The following SMIM36 variants were observed in gnomAD, a reference collection of about 807,000 sequenced individuals.
SMIM36 encodes small integral membrane protein 36.
At chr17:55,465,211 C>G (rs1909215899) in intron 4 of SMIM36, among the ~76,000 whole-genome samples, 1 of 152,174 alleles carries the variant, frequency 6.6e-6, no homozygotes, top group Non-Finnish European at 1.5e-5. Flanking sequence ...TTAGGGACAG[C>G]ACAGTAAAGT....
At chr17:55,469,748 G>A (rs1347920978) in intron 3 of SMIM36, among the ~76,000 whole-genome samples, 4 of 152,156 alleles carry the variant, frequency 2.6e-5, no homozygotes, top group Admixed American at 1.3e-4. Flanking sequence ...GGGAGGCCGA[G>A]GTAGGCGGAT....
intron 1 of SMIM36, among the ~76,000 whole-genome samples, chr17:55,488,486 A>G (rs1567867767): frequency 1.3e-5 from 2 of 152,214 alleles, no homozygotes; most frequent in Admixed American, 6.5e-5. Context: ...GTGTGCTTCT[A>G]GCATACATAT....
At chr17:55,474,072 G>A (rs978418383) in intron 3 of SMIM36, among the ~76,000 whole-genome samples, 15 of 151,986 alleles carry the variant, frequency 9.9e-5, no homozygotes, top group African/African-American at 3.4e-4. Flanking sequence ...CCTCTCACGC[G>A]GACCCCCTTA....
At chr17:55,458,336 C>A (rs1289999926) in intron 4 of SMIM36, 1 of 152,164 alleles carries the variant, frequency 6.6e-6, no homozygotes, top group Non-Finnish European at 1.5e-5. Flanking sequence ...TTGGTGACTT[C>A]CACTTGCGTG....
At chr17:55,464,123 GAAACA>G (rs1909194002) in intron 4 of SMIM36, among the ~76,000 whole-genome samples, 2 of 151,980 alleles carry the variant, frequency 1.3e-5, no homozygotes, top group African/African-American at 4.8e-5. Context: ...TCAAAAAAAT[GAAACA>G]AAACAAAACA....
intron 1 of SMIM36, among the ~76,000 whole-genome samples, chr17:55,500,528 TTGAA>T (rs980527489): frequency 6.6e-6 from 1 of 151,732 alleles, no homozygotes; most frequent in African/African-American, 2.4e-5. Flanking sequence ...GAAGAACAAA[TTGAA>T]TGAATCACAA....
At chr17:55,511,751 C>G (rs981946100), upstream of SMIM36, among the ~76,000 whole-genome samples, 1 of 152,144 alleles carries the variant, frequency 6.6e-6, no homozygotes, top group Non-Finnish European at 1.5e-5. Context: ...ATTGTGCTGT[C>G]TTTGTATAAG....
chr17:55,523,833 G>A, the SMIM36 span, among the ~76,000 whole-genome samples: 35 of 152,212 alleles, frequency 2.3e-4, no homozygotes, highest in African/African-American at 8.2e-4. Context: ...CTCATTAAAA[G>A]TTTCTTTTTT....
intron 1 of SMIM36, among the ~76,000 whole-genome samples, chr17:55,509,960 G>A (rs1910152560): frequency 6.6e-6 from 1 of 152,076 alleles, no homozygotes; most frequent in Non-Finnish European, 1.5e-5. Context: ...GGCCGGATTT[G>A]AGGATTGGAG....
intron 4 of SMIM36, among the ~76,000 whole-genome samples, chr17:55,464,267 G>T (rs1320350732): frequency 6.6e-6 from 1 of 152,150 alleles, no homozygotes; most frequent in Non-Finnish European, 1.5e-5. Context: ...ATATGGTATT[G>T]ATTCCACGTG....
intron 1 of SMIM36, among the ~76,000 whole-genome samples, chr17:55,509,512 A>C (rs897110272): frequency 6.6e-6 from 1 of 152,052 alleles, no homozygotes; most frequent in African/African-American, 2.4e-5. Context: ...TGTGCCAGAC[A>C]CTCGTGTCTC....
rs1462289068 is a variant in SMIM36, at chr17:55,501,401, T to TTATA, written c.*174+9477_*174+9478insTATA. Among the ~76,000 whole-genome samples the TTATA allele has an allele frequency of 1.7e-3, 30 of 18,128 alleles. 1 individual carries two copies. Among genetic ancestry groups the TTATA allele is most frequent in the African/African-American group, 4.6e-3 (14 of 3,026 alleles). 11.9% of individuals were successfully genotyped at this position (18,128 alleles called of 152,430 possible). On this transcript the variant is annotated intron_variant, in intron 1 of 4. Transcript: ENST00000636752. ...ATTATAGAATATAATATATTATATATTATTATATATTATAAAATATAATAT... is the reference window on the plus strand; with the variant it reads ...ATTATAGAATATAATATATTATATATTATATATTATATATTATAAAATATAATAT...
At chr17:55,462,223 A>C (rs1227124185) in intron 4 of SMIM36, among the ~76,000 whole-genome samples, 1 of 152,216 alleles carries the variant, frequency 6.6e-6, no homozygotes, top group African/African-American at 2.4e-5. Context: ...ATTAATACTT[A>C]TTAATACTTA....
intron 1 of SMIM36, among the ~76,000 whole-genome samples, chr17:55,486,040 CTT>C (rs11356976): frequency 4.6e-4 from 63 of 135,642 alleles, no homozygotes; most frequent in East Asian, 1.5e-3. Context: ...TTCCTTTATT[CTT>C]TTTTTTTTTT....
intron 1 of SMIM36, among the ~76,000 whole-genome samples, chr17:55,489,897 G>A (rs1005304573): frequency 2.0e-5 from 3 of 151,808 alleles, no homozygotes; most frequent in Non-Finnish European, 4.4e-5. Flanking sequence ...CGCCCCGGCT[G>A]GAGTGCAGTG....
At chr17:55,499,548 C>T (rs533484577) in intron 1 of SMIM36, among the ~76,000 whole-genome samples, 8 of 152,212 alleles carry the variant, frequency 5.3e-5, no homozygotes, top group African/African-American at 1.7e-4. Context: ...TGGCACGTAG[C>T]GAATTCCTGA....
At chr17:55,465,467 G>A (rs1210279580) in intron 4 of SMIM36, among the ~76,000 whole-genome samples, 1 of 152,182 alleles carries the variant, frequency 6.6e-6, no homozygotes, top group Non-Finnish European at 1.5e-5. Flanking sequence ...GAGTTGGGGT[G>A]TGGTGTGTAT....
chr17:55,488,576 G>A (rs1909648475), intron 1 of SMIM36, among the ~76,000 whole-genome samples: 1 of 152,134 alleles, frequency 6.6e-6, no homozygotes, highest in Non-Finnish European at 1.5e-5. Context: ...ACTATTATGT[G>A]ATTATTAGCC....
chr17:55,458,917 C>T (rs906253974), intron 4 of SMIM36, among the ~76,000 whole-genome samples: 1 of 152,168 alleles, frequency 6.6e-6, no homozygotes, highest in African/African-American at 2.4e-5. Flanking sequence ...CAAGAAACCC[C>T]GGGGTACAGA....
Sources: gnomAD v4.1 joint callset for allele counts (sites outside exome capture counted in the v4.1 genomes callset) on GRCh38, gnomAD v4.1.1 for gene constraint, MANE v1.5 for transcripts, NCBI Gene and HGNC (gene_info 2026-07-23, HGNC 2026-07-21) for gene names.